The following PIKFYVE variants were observed in gnomAD, a reference collection of about 807,000 sequenced individuals.
PIKFYVE encodes 1-phosphatidylinositol 3-phosphate 5-kinase.
Under a neutral mutation model 257.9 loss-of-function variants are expected in PIKFYVE, and 122 were observed. The ratio of observed to expected loss-of-function variants is 0.47; its 90% CI spans 0.41 to 0.55. The LOEUF is 0.55. Ranked by LOEUF, PIKFYVE falls within the 20% of genes least tolerant of loss-of-function variation. PIKFYVE has a pLI of 0.00. For synonymous variants in PIKFYVE, 892 were observed against 868.9 expected, an observed-to-expected ratio of 1.03 and a Z score of -0.47; for missense variants, 2,160 against 2,536.6, an observed-to-expected ratio of 0.85 and a Z score of 3.19.
chr2:208,318,042 A>G lies in PIKFYVE; in HGVS notation c.2082+101A>G, dbSNP rs187396211. ...GTTATGGAAGAAATGGACAATGGAC[A>G]ATGAAAGGCAGCTGTGTCTGCCATA... On this transcript the variant is annotated intron_variant, in intron 16 of 41. Transcript: ENST00000264380. The G allele has an allele frequency of 3.3e-6, 4 of 1,221,654 alleles. No homozygotes were observed. The East Asian group carries it at 9.4e-5, about 29-fold the overall frequency. 75.7% of individuals were successfully genotyped at this position (1,221,654 alleles called of 1,614,324 possible).
chr2:208,314,236 G>A, intron 13 of PIKFYVE, 58 bp from the exon 14 acceptor site: 2 of 1,564,488 alleles, frequency 1.3e-6, no homozygotes, highest in East Asian at 2.3e-5. Context: ...AAATATATGA[G>A]TAGATGGTAT....
At chr2:208,299,567 C>T (rs944719608) in intron 8 of PIKFYVE, among the ~76,000 whole-genome samples, 4 of 152,038 alleles carry the variant, frequency 2.6e-5, no homozygotes, top group South Asian at 2.1e-4. Flanking sequence ...GGATTACAGG[C>T]GTGAGCCACC....
At chr2:208,280,165 A>G (rs937506505) in intron 5 of PIKFYVE, among the ~76,000 whole-genome samples, 1 of 152,184 alleles carries the variant, frequency 6.6e-6, no homozygotes, top group African/African-American at 2.4e-5. Context: ...TATGGTCGGT[A>G]TGTTAGCTTC....
In PIKFYVE at chr2:208,358,332, A is replaced by G. The variant is rs573143426; in HGVS notation, c.*3027A>G. 1.3e-5 allele frequency: 2 copies of G among 152,508 alleles called. No homozygotes were observed. The highest frequency in any genetic ancestry group is 1.9e-4 in the East Asian group (1 of 5,164). The allele number at this position is 152,508 out of a possible 1,614,324, so 9.4% of individuals were successfully genotyped here. A position where few individuals can be genotyped will look rare whatever the true frequency, so the allele number is the denominator to read the frequency against. On this transcript the variant is annotated 3_prime_UTR_variant, in exon 42 of 42. Coordinates refer to ENST00000264380, the MANE Select transcript of PIKFYVE (RefSeq NM_015040.4). ...CATAAAACGGACCAGGCCATTCATT[A>G]TTCCTCAAGTGTTAATATACTGACT...
At chr2:208,345,315 C>A in intron 33 of PIKFYVE, 121 bp downstream of exon 33, 1 of 843,386 alleles carries the variant, frequency 1.2e-6, no homozygotes, top group Non-Finnish European at 1.9e-6. Flanking sequence ...CAGATAGTGG[C>A]ACTCATATTT....
At chr2:208,303,827 G>A (rs1048951603) in intron 10 of PIKFYVE, among the ~76,000 whole-genome samples, 6 of 152,192 alleles carry the variant, frequency 3.9e-5, no homozygotes, top group Non-Finnish European at 8.8e-5. Context: ...TATTTTGCAA[G>A]ATGTGTTCTG....
At chr2:208,278,308 C>T (rs192819448) in intron 5 of PIKFYVE, among the ~76,000 whole-genome samples, 2 of 151,332 alleles carry the variant, frequency 1.3e-5, no homozygotes, top group Non-Finnish European at 2.9e-5. Context: ...TTTTTTCCAC[C>T]TAAACTACTA....
chr2:208,280,502 T>C (rs1234219976), intron 5 of PIKFYVE, among the ~76,000 whole-genome samples: 1 of 152,236 alleles, frequency 6.6e-6, no homozygotes, highest in Non-Finnish European at 1.5e-5. Context: ...AGGTGTCTAA[T>C]AACCCCTGAC....
intron 4 of PIKFYVE, 75 bp downstream of exon 4, chr2:208,276,905 T>C: frequency 1.6e-6 from 2 of 1,220,168 alleles, no homozygotes; most frequent in Non-Finnish European, 2.4e-6. Context: ...GAAAATGGCT[T>C]AATGCCACTG....
At chr2:208,344,164 G>T (rs944715994) in intron 32 of PIKFYVE, among the ~76,000 whole-genome samples, 4 of 152,102 alleles carry the variant, frequency 2.6e-5, no homozygotes, top group African/African-American at 9.7e-5. Flanking sequence ...AGTTTAAATA[G>T]AATCTAAGAT....
At chr2:208,286,311 GAGA>G (rs1422557671) in intron 6 of PIKFYVE, among the ~76,000 whole-genome samples, 6 of 152,302 alleles carry the variant, frequency 3.9e-5, no homozygotes, top group African/African-American at 9.6e-5. Flanking sequence ...AGCCTTCTGT[GAGA>G]AGAAGAATGC....
rs1426829954 is a variant in PIKFYVE at position 208,325,158 on chromosome 2, T to C, written c.2459-112T>C. 2.6e-6 allele frequency: 4 copies of C among 1,568,450 alleles called. No individual in the cohort carries two copies. In the Admixed American group the frequency reaches 5.1e-5, roughly 20 times the overall value. The stretch of plus-strand genomic sequence containing the variant: ...AAGTGAGGATAGGCAACTGTGATCT[T>C]ATTCATGTAAGAGTTTTTCTTTTAC... On this transcript the variant is annotated intron_variant, in intron 19 of 41. Transcript: ENST00000264380.
intron 31 of PIKFYVE, among the ~76,000 whole-genome samples, chr2:208,340,989 C>T (rs1698645672): frequency 6.6e-6 from 1 of 151,792 alleles, no homozygotes. Flanking sequence ...TTCATGCTCT[C>T]ACATTTATTT....
At chr2:208,354,507 G>A (rs983948900) in intron 40 of PIKFYVE, 64 bp from the exon 41 acceptor site, 6 of 1,362,204 alleles carry the variant, frequency 4.4e-6, no homozygotes, top group African/African-American at 1.4e-5. Flanking sequence ...AGTCATTGCT[G>A]TTGTCATTTG....
intron 20 of PIKFYVE, among the ~76,000 whole-genome samples, chr2:208,327,542 C>T (rs1697071483): frequency 6.6e-6 from 1 of 152,010 alleles, no homozygotes; most frequent in Admixed American, 6.6e-5. Context: ...TGCATTATTC[C>T]ATATTTATAA....
rs1013793379 is a variant in PIKFYVE at position 208,356,207 on chromosome 2, G to T, written c.*902G>T. On this transcript the variant is annotated 3_prime_UTR_variant, in exon 42 of 42. Coordinates refer to ENST00000264380, the MANE Select transcript of PIKFYVE (RefSeq NM_015040.4). ...AATTAGGCCCAATCCAAGAAATTGA[G>T]TGAGAAGGAAACACTTGTTTTATTC... 6.6e-6 allele frequency: 1 copy of T among 152,210 alleles called. No individual in the cohort carries two copies. The highest frequency in any genetic ancestry group is 1.5e-5 in the Non-Finnish European group (1 of 68,036). 9.4% of individuals were successfully genotyped at this position (152,210 alleles called of 1,614,324 possible). A position where few individuals can be genotyped will look rare whatever the true frequency, so the allele number is the denominator to read the frequency against.
In PIKFYVE at chr2:208,328,211, G is replaced by A; in HGVS notation, c.3650G>A (p.Arg1217Lys). Residue 1217 changes from arginine (R) to lysine (K), a missense_variant, in exon 21 of 42, where the codon AGA (arginine) becomes AAA (lysine). Physicochemically the swap from Arg to Lys is conservative, Grantham distance 26 (BLOSUM62 2). Coordinates refer to ENST00000264380, the MANE Select transcript of PIKFYVE (RefSeq NM_015040.4). The stretch of plus-strand genomic sequence containing the variant: ...TGTCTGAATCCCATTAATCACCAGA[G>A]ACTTTGTGTGCTCTTCAGCAGCTCT... ...VDCLNPINHQRLCVLFSSSSA... is the reference protein window; with the variant it reads ...VDCLNPINHQKLCVLFSSSSA... 6.2e-7 allele frequency: 1 copy of A among 1,613,762 alleles called. No individual in the cohort carries two copies. The highest frequency in any genetic ancestry group is 2.2e-5 in the East Asian group (1 of 44,866).
Position 208,330,570 on chromosome 2 carries a change from A to C in PIKFYVE, c.3839A>C (p.His1280Pro). Residue 1280 changes from histidine to proline, a missense_variant, in exon 23 of 42, where the codon CAT (histidine) becomes CCT (proline). By Grantham distance (77) the His-to-Pro change is moderately conservative. Around this residue, in one of 12 missense-constraint regions of PIKFYVE, gnomAD observed 55 missense variants for 103.0 expected, o/e 0.53. Transcript: ENST00000264380. ...PSMFCDTPMV[H>P]HIRRFVHGQG... ...ATGTTCTGTGATACCCCCATGGTACATCATATTCGGCGCTTTGTTCATGGC... is the reference window on the plus strand; with the variant it reads ...ATGTTCTGTGATACCCCCATGGTACCTCATATTCGGCGCTTTGTTCATGGC... The C allele has an allele frequency of 6.2e-7, 1 of 1,614,172 alleles. No individual in the cohort carries two copies. The highest frequency in any genetic ancestry group is 8.5e-7 in the Non-Finnish European group (1 of 1,180,020).
In PIKFYVE at chr2:208,326,110, A is replaced by C. The variant is rs778795780; in HGVS notation, c.3299A>C (p.Asn1100Thr). ...LLNKEFKEME[N>T]RRKKQLLRDL... ...AATAAAGAATTCAAAGAAATGGAGA[A>C]CAGGAGGAAGAAACAGCTGCTCAGG... is the stretch of plus-strand genomic sequence containing the variant. Residue 1100 changes from asparagine (N) to threonine (T), a missense_variant, in exon 20 of 42, where the codon AAC (asparagine) becomes ACC (threonine). Transcript: ENST00000264380. The C allele has an allele frequency of 6.2e-7, 1 of 1,614,172 alleles. No individual in the cohort carries two copies. The highest frequency in any genetic ancestry group is 8.5e-7 in the Non-Finnish European group (1 of 1,180,028).
Sources: allele counts gnomAD v4.1 joint callset (sites outside exome capture counted in the v4.1 genomes callset), GRCh38; gene constraint gnomAD v4.1.1; regional missense constraint gnomAD v4.1.1; transcripts MANE v1.5; gene names NCBI Gene and HGNC (gene_info 2026-07-23, HGNC 2026-07-21).